ATP8B4: variants seen among roughly 807,000 people sequenced by gnomAD.
ATP8B4 encodes the protein probable phospholipid-transporting ATPase IM.
Under a neutral mutation model 145.6 loss-of-function variants are expected in ATP8B4, and 133 were observed. That is an observed-to-expected ratio of 0.91 (90% confidence interval 0.79 to 1.05). The LOEUF (loss-of-function observed/expected upper bound fraction) is 1.05, where lower values mean the gene tolerates loss of function less well. ATP8B4 is among the 50% of genes least tolerant of loss of function. ATP8B4 has a pLI of 0.00. For missense variants in ATP8B4, 1,458 were observed against 1,425.2 expected, an observed-to-expected ratio of 1.02 and a Z score of -0.37; for synonymous variants, 507 against 492.9, an observed-to-expected ratio of 1.03 and a Z score of -0.38.
At chr15:50,020,192 T>C (rs1020438968) in intron 6 of ATP8B4, among the ~76,000 whole-genome samples, 1 of 151,698 alleles carries the variant, frequency 6.6e-6, no homozygotes, top group Admixed American at 6.6e-5. Context: ...TGCTCTCAAG[T>C]GATCTGCTTG....
chr15:49,966,194 C>T (rs1465743895), intron 13 of ATP8B4, among the ~76,000 whole-genome samples: 1 of 152,210 alleles, frequency 6.6e-6, no homozygotes, highest in East Asian at 1.9e-4. Context: ...ACTGGGCAGC[C>T]ATTTGGGCAG....
chr15:49,909,916 C>A (rs544898864), intron 20 of ATP8B4, among the ~76,000 whole-genome samples: 14 of 151,826 alleles, frequency 9.2e-5, no homozygotes, highest in African/African-American at 3.1e-4. Flanking sequence ...CAGATAGCAA[C>A]GTAAGGACAC....
chr15:50,105,982 G>A (rs2056659980), intron 2 of ATP8B4, among the ~76,000 whole-genome samples: 1 of 152,194 alleles, frequency 6.6e-6, no homozygotes, highest in African/African-American at 2.4e-5. Context: ...TTGGGAATAT[G>A]AATATATTGC....
intron 27 of ATP8B4, among the ~76,000 whole-genome samples, chr15:49,860,751 T>C (rs16962994): frequency 0.29 from 44,259 of 152,086 alleles, 6,777 homozygotes; most frequent in African/African-American, 0.32. Flanking sequence ...CATATGAGCA[T>C]ACATTTGTAT....
intron 9 of ATP8B4, among the ~76,000 whole-genome samples, chr15:49,994,389 C>T (rs1228106400): frequency 6.6e-6 from 1 of 152,006 alleles, no homozygotes; most frequent in African/African-American, 2.4e-5. Flanking sequence ...GGCCCTGACG[C>T]TAGTCTTCCT....
intron 15 of ATP8B4, among the ~76,000 whole-genome samples, chr15:49,931,699 A>G (rs892855373): frequency 3.9e-5 from 6 of 152,050 alleles, no homozygotes; most frequent in African/African-American, 1.4e-4. Flanking sequence ...CCTTTGAGGT[A>G]GAGATTATTA....
chr15:49,883,695 G>T (rs2035779689), intron 23 of ATP8B4, among the ~76,000 whole-genome samples: 1 of 151,986 alleles, frequency 6.6e-6, no homozygotes, highest in African/African-American at 2.4e-5. Flanking sequence ...TTTTCTCCAT[G>T]ATGTGCTTAT....
intron 14 of ATP8B4, among the ~76,000 whole-genome samples, chr15:49,948,386 T>C (rs1403515592): frequency 6.6e-6 from 1 of 151,640 alleles, no homozygotes; most frequent in African/African-American, 2.4e-5. Context: ...CAGATGGAGG[T>C]TGCAGTGAGC....
chr15:50,072,852 C>A (rs28394684), intron 3 of ATP8B4, among the ~76,000 whole-genome samples: 364 of 146,358 alleles, frequency 2.5e-3, no homozygotes, highest in Middle Eastern at 7.1e-3. Context: ...GAACCCCTGA[C>A]CTTGTGATCT....
In ATP8B4 at chr15:49,866,366, G is replaced by T; in HGVS notation, c.3146C>A (p.Pro1049Gln). Residue 1049 changes from proline (P) to glutamine (Q), a missense_variant, in exon 26 of 28, where the codon CCA becomes CAA. Physicochemically the swap from Pro to Gln is moderately conservative, Grantham distance 76 (BLOSUM62 -1). Transcript: ENST00000284509. ...CTTACCAACAAATGGAAACTGGTTT[G>T]GGAAGATGCCAAAGATGCCATTACT... is the stretch of plus-strand genomic sequence containing the variant. ...MHSNGIFGIFPNQFPFVGNAR... is the reference protein window; with the variant it reads ...MHSNGIFGIFQNQFPFVGNAR... 1.9e-6 allele frequency: 3 copies of T among 1,614,004 alleles called. No individual in the cohort carries two copies. Among genetic ancestry groups the T allele is most frequent in the Non-Finnish European group, 2.5e-6 (3 of 1,179,880 alleles).
chr15:50,024,622 C>A (rs1393277599), intron 6 of ATP8B4, among the ~76,000 whole-genome samples: 2 of 152,214 alleles, frequency 1.3e-5, no homozygotes, highest in Admixed American at 6.5e-5. Context: ...AGGGAAACGT[C>A]CACTGCAAAC....
At chr15:49,914,283 AATGAAACTG>A (rs2039515543) in intron 20 of ATP8B4, among the ~76,000 whole-genome samples, 1 of 152,166 alleles carries the variant, frequency 6.6e-6, no homozygotes. Flanking sequence ...TATGCAGAAG[AATGAAACTG>A]GACCCCTAAC....
chr15:50,076,999 A>G (rs1239578780), intron 2 of ATP8B4, among the ~76,000 whole-genome samples: 2 of 152,236 alleles, frequency 1.3e-5, no homozygotes, highest in African/African-American at 4.8e-5. Context: ...CAAATCCCCC[A>G]TAACTATTCC....
rs555970480 is a variant in ATP8B4, at chr15:49,959,184, A to T, written c.1287+2793T>A. On this transcript the variant is annotated intron_variant, in intron 14 of 27. Coordinates refer to ENST00000284509, the MANE Select transcript of ATP8B4 (RefSeq NM_024837.4). ...TGAATCTGTTAATATGATTCATCAT[A>T]TTAATATATCCACGGAAGAAAAAAC... 2.0e-5 allele frequency among the ~76,000 whole-genome samples: 3 copies of T among 152,166 alleles called. No individual in the cohort carries two copies. The East Asian group carries it at 5.8e-4, about 29-fold the overall frequency.
intron 3 of ATP8B4, among the ~76,000 whole-genome samples, chr15:50,069,502 T>C (rs986845446): frequency 1.3e-5 from 2 of 152,218 alleles, no homozygotes; most frequent in Non-Finnish European, 2.9e-5. Flanking sequence ...TATCTGTAAA[T>C]TTTTCTCCTA....
chr15:49,915,581 TATAA>T (rs2039655552), intron 20 of ATP8B4, among the ~76,000 whole-genome samples: 1 of 152,136 alleles, frequency 6.6e-6, no homozygotes, highest in Non-Finnish European at 1.5e-5. Context: ...CCAAAATATG[TATAA>T]ATATTGTATA....
chr15:49,958,763 A>G lies in ATP8B4; in HGVS notation c.1287+3214T>C, dbSNP rs527465571. On this transcript the variant is annotated intron_variant, in intron 14 of 27. Transcript: ENST00000284509. Reference sequence around the variant, plus strand: ...ATTCTAAAAAAATATAATTTTCCAAATCACTCCAAAAGAGATAGAAATTCT... The same window carrying G: ...ATTCTAAAAAAATATAATTTTCCAAGTCACTCCAAAAGAGATAGAAATTCT... Among the ~76,000 whole-genome samples, 7 of 152,042 alleles carry G rather than the reference A, an allele frequency of 4.6e-5. No individual in the cohort carries two copies. In the East Asian group the frequency reaches 1.3e-3, roughly 29 times the overall value.
chr15:49,886,168 A>C (rs932117698), intron 23 of ATP8B4, among the ~76,000 whole-genome samples: 1 of 152,200 alleles, frequency 6.6e-6, no homozygotes, highest in Non-Finnish European at 1.5e-5. Flanking sequence ...GGGGCCCAAG[A>C]ACCAAACTCA....
chr15:49,949,043 T>C (rs60343610), intron 14 of ATP8B4, among the ~76,000 whole-genome samples: 19,705 of 152,132 alleles, frequency 0.13, 1,686 homozygotes, highest in East Asian at 0.34. Flanking sequence ...GTTTTGGTAC[T>C]GGTATTGTGC....
Sources: gnomAD v4.1 joint callset for allele counts (sites outside exome capture counted in the v4.1 genomes callset) on GRCh38, gnomAD v4.1.1 for gene constraint, MANE v1.5 for transcripts, NCBI Gene and HGNC (gene_info 2026-07-23, HGNC 2026-07-21) for gene names.